SMURF1: variants seen among roughly 807,000 people sequenced by gnomAD.
SMURF1 encodes the protein E3 ubiquitin-protein ligase SMURF1.
A neutral mutation model predicts 98.0 loss-of-function variants in SMURF1; 44 were observed. The ratio of observed to expected loss-of-function variants is 0.45; its 90% CI spans 0.35 to 0.58. SMURF1 has a LOEUF of 0.58. SMURF1 is among the 20% of genes least tolerant of loss of function. SMURF1 has a pLI of 0.00. For synonymous variants in SMURF1, 396 were observed against 374.9 expected (o/e 1.06, Z -0.65); for missense variants, 687 against 938.4 (o/e 0.73, Z 3.50).
rs532084462 is a variant in SMURF1, at chr7:99,042,305, A to C, written c.1257-73T>G. ...CATTTTTTTTTTTTCCCTGAGATGG[A>C]GTCTCACTCTGTCGCCCAGGCTGGA... On this transcript the variant is annotated intron_variant, in intron 11 of 17. Transcript: ENST00000361368. 1.2e-3 allele frequency: 1,225 copies of C among 1,006,502 alleles called. 3 individuals carry two copies. Among genetic ancestry groups the C allele is most frequent in the Non-Finnish European group, 1.6e-3 (1,089 of 660,048 alleles). 62.3% of individuals were successfully genotyped at this position (1,006,502 alleles called of 1,614,324 possible).
intron 13 of SMURF1, 103 bp downstream of exon 13, chr7:99,040,275 T>A: frequency 8.3e-7 from 1 of 1,211,484 alleles, no homozygotes; most frequent in Non-Finnish European, 1.1e-6. Flanking sequence ...TTCACACACA[T>A]CCCCAAAATA....
At chr7:99,043,058 C>T (rs1795446757) in intron 11 of SMURF1, among the ~76,000 whole-genome samples, 1 of 152,162 alleles carries the variant, frequency 6.6e-6, no homozygotes. Context: ...GAATTCATCC[C>T]AAGTTTTGGA....
chr7:99,056,041 C>T (rs1041662383), intron 5 of SMURF1, among the ~76,000 whole-genome samples: 1 of 152,218 alleles, frequency 6.6e-6, no homozygotes, highest in African/African-American at 2.4e-5. Flanking sequence ...TATTTATTCT[C>T]TATCTTTACT....
intron 1 of SMURF1, among the ~76,000 whole-genome samples, chr7:99,095,470 C>A (rs952972420): frequency 6.6e-6 from 1 of 152,148 alleles, no homozygotes; most frequent in African/African-American, 2.4e-5. Context: ...CTTAAGGTAG[C>A]AATTATGGTT....
At chr7:99,060,203 C>T (rs1025611997) in intron 3 of SMURF1, among the ~76,000 whole-genome samples, 3 of 151,786 alleles carry the variant, frequency 2.0e-5, no homozygotes, top group Non-Finnish European at 2.9e-5. Flanking sequence ...CATGGTGAAA[C>T]CCCATCTCTA....
intron 17 of SMURF1, chr7:99,031,236 G>A (rs1794873321): frequency 6.6e-6 from 1 of 152,270 alleles, no homozygotes; most frequent in South Asian, 2.1e-4. Context: ...GACCAAAACA[G>A]GGCAGTCTGG....
intron 11 of SMURF1, among the ~76,000 whole-genome samples, chr7:99,042,952 A>G (rs535024000): frequency 8.5e-5 from 13 of 152,368 alleles, no homozygotes; most frequent in African/African-American, 2.9e-4. Flanking sequence ...ACAGTTCTTC[A>G]TTGTACTCAA....
intron 1 of SMURF1, among the ~76,000 whole-genome samples, chr7:99,079,867 A>G (rs1026558362): frequency 6.6e-5 from 10 of 152,208 alleles, no homozygotes; most frequent in Non-Finnish European, 1.2e-4. Context: ...TGAATAACCT[A>G]CACTTTCAAC....
At chr7:99,108,453 T>C (rs1013092543) in intron 1 of SMURF1, among the ~76,000 whole-genome samples, 1 of 149,892 alleles carries the variant, frequency 6.7e-6, no homozygotes, top group African/African-American at 2.5e-5. Flanking sequence ...CTACTAAAAA[T>C]ACAAAAAAAT....
At chr7:99,070,286 A>G (rs1796287432) in intron 1 of SMURF1, among the ~76,000 whole-genome samples, 1 of 152,104 alleles carries the variant, frequency 6.6e-6, no homozygotes, top group Admixed American at 6.6e-5. Flanking sequence ...GCCAGCACCA[A>G]ACATTAATAC....
At chr7:99,075,623 T>A (rs1796435400) in intron 1 of SMURF1, among the ~76,000 whole-genome samples, 1 of 150,304 alleles carries the variant, frequency 6.7e-6, no homozygotes, top group African/African-American at 2.4e-5. Context: ...GAATTGGGAT[T>A]GATGTGGGGA....
intron 11 of SMURF1, among the ~76,000 whole-genome samples, chr7:99,045,138 CAAAA>C (rs1795530876): frequency 6.7e-6 from 1 of 148,832 alleles, no homozygotes; most frequent in Non-Finnish European, 1.5e-5. Flanking sequence ...GACCCCGTCT[CAAAA>C]AAGACCAAAA....
At chr7:99,050,868 AAAAG>A in intron 8 of SMURF1, 4 of 1,276,808 alleles carry the variant, frequency 3.1e-6, no homozygotes, top group Non-Finnish European at 4.1e-6. Context: ...GCAAAAGAAA[AAAAG>A]AAACTTAACT....
intron 1 of SMURF1, among the ~76,000 whole-genome samples, chr7:99,116,217 T>C (rs908293251): frequency 7.0e-6 from 1 of 142,086 alleles, no homozygotes; most frequent in Admixed American, 7.4e-5. Context: ...AACATTTTTT[T>C]TGACAGATTC....
intron 1 of SMURF1, among the ~76,000 whole-genome samples, chr7:99,064,141 C>T (rs779548254): frequency 2.0e-5 from 3 of 152,178 alleles, no homozygotes; most frequent in Admixed American, 6.5e-5. Flanking sequence ...GTACACAGTC[C>T]TTTTAATATG....
chr7:99,028,364 A>G lies in SMURF1; in HGVS notation c.*2220T>C, dbSNP rs1794768700. On this transcript the variant is annotated 3_prime_UTR_variant, in exon 18 of 18. Coordinates refer to ENST00000361368, the MANE Select transcript of SMURF1 (RefSeq NM_181349.3). ...CCGGAGCTCTGGAAAGGTCTGCGAC[A>G]CTCACACAACCGATGACAAGGCGGC... The G allele has an allele frequency of 1.3e-5, 2 of 152,376 alleles. No individual in the cohort carries two copies. Among genetic ancestry groups the G allele is most frequent in the South Asian group, 4.1e-4 (2 of 4,820 alleles). 9.4% of individuals were successfully genotyped at this position (152,376 alleles called of 1,614,324 possible). A position where few individuals can be genotyped will look rare whatever the true frequency, so the allele number is the denominator to read the frequency against.
chr7:99,051,386 A>T lies in SMURF1; in HGVS notation c.777T>A (p.Val259=). Residue 259 remains valine, a synonymous_variant, in exon 8 of 18, where the codon GTT becomes GTA. Transcript: ENST00000361368. ...GTATCCTGGGGTCGTGCCACGTGCT[A>T]ACTCCAGTCTGTGTATGCAAAAAGT... ...QVYFLHTQTG[V]STWHDPRIPR... is the part of the protein sequence containing the mutation. 6.2e-7 allele frequency: 1 copy of T among 1,614,156 alleles called. No individual in the cohort carries two copies. Among genetic ancestry groups the T allele is most frequent in the Non-Finnish European group, 8.5e-7 (1 of 1,180,018 alleles).
At chr7:99,126,472 A>G (rs1042672632) in intron 1 of SMURF1, among the ~76,000 whole-genome samples, 4 of 151,824 alleles carry the variant, frequency 2.6e-5, no homozygotes, top group South Asian at 2.1e-4. Flanking sequence ...CCTGGCCAAC[A>G]TGGTGAAACC....
intron 11 of SMURF1, among the ~76,000 whole-genome samples, chr7:99,044,245 G>A (rs994646519): frequency 4.6e-5 from 7 of 152,276 alleles, no homozygotes; most frequent in Non-Finnish European, 8.8e-5. Context: ...CTGGGAGGTG[G>A]AGGTAGCAGT....
Sources: gnomAD v4.1 joint callset for allele counts (sites outside exome capture counted in the v4.1 genomes callset) on GRCh38, gnomAD v4.1.1 for gene constraint, MANE v1.5 for transcripts, NCBI Gene and HGNC (gene_info 2026-07-23, HGNC 2026-07-21) for gene names.